Variants in SLC17A6 observed in about 807,000 individuals in gnomAD.
SLC17A6 encodes vesicular glutamate transporter 2.
SLC17A6 carries 35 observed loss-of-function variants against 67.1 expected under a neutral mutation model. That is an observed-to-expected ratio of 0.52 (90% CI 0.40 to 0.69). SLC17A6 has a LOEUF of 0.69. Ranked by LOEUF, SLC17A6 falls within the 30% of genes least tolerant of loss-of-function variation. The pLI, the probability that SLC17A6 is intolerant of heterozygous loss-of-function variation, is 0.00. For synonymous variants in SLC17A6, 285 were observed against 252.3 expected, an observed-to-expected ratio of 1.13 and a Z score of -1.23; for missense variants, 588 against 723.9, an observed-to-expected ratio of 0.81 and a Z score of 2.15.
rs914271488 is a variant in SLC17A6, at chr11:22,374,866, A to G, written c.1153A>G (p.Arg385Gly). The stretch of plus-strand genomic sequence containing the variant: ...GCAGATTCTTTCAACTACGACAGTG[A>G]GAAAGATCATGAATTGTGGTGGTAA... ...SKQILSTTTV[R>G]KIMNCGGFGM... The change falls in exon 9 of 12, where the codon AGA becomes GGA. Residue 385 changes from arginine to glycine, a missense_variant. Arg to Gly is a moderately radical substitution (Grantham distance 125). This residue lies in a region of SLC17A6 where 414 missense variants were observed against 563.4 expected (regional missense o/e 0.73). Transcript: ENST00000263160. 1.9e-6 allele frequency: 3 copies of G among 1,613,212 alleles called. No homozygotes were observed. Among genetic ancestry groups the G allele is most frequent in the Non-Finnish European group, 2.5e-6 (3 of 1,179,770 alleles).
In SLC17A6 at chr11:22,338,632, G is replaced by A. The variant is rs201676113; in HGVS notation, c.86+13G>A. The A allele has an allele frequency of 3.1e-6, 5 of 1,596,538 alleles. No individual in the cohort carries two copies. Among genetic ancestry groups the A allele is most frequent in the Non-Finnish European group, 4.3e-6 (5 of 1,165,428 alleles). On this transcript the variant is annotated intron_variant, in intron 1 of 11. Transcript: ENST00000263160. ...GCCAGATCTACAGGTAAGACAAAGCGAACACTTGCTTACCTGGGGCTCAGC... is the reference window on the plus strand; with the variant it reads ...GCCAGATCTACAGGTAAGACAAAGCAAACACTTGCTTACCTGGGGCTCAGC...
chr11:22,375,163 G>A (rs1251324261), intron 9 of SLC17A6, among the ~76,000 whole-genome samples: 1 of 151,940 alleles, frequency 6.6e-6, no homozygotes, highest in Non-Finnish European at 1.5e-5. Context: ...ACGAGGTCAG[G>A]AGTTCAAGAC....
chr11:22,367,356 A>G (rs1470145623), intron 7 of SLC17A6, among the ~76,000 whole-genome samples: 1 of 152,100 alleles, frequency 6.6e-6, no homozygotes, highest in Non-Finnish European at 1.5e-5. Flanking sequence ...ATCCCATATC[A>G]TATATAATTC....
intron 4 of SLC17A6, 78 bp downstream of exon 4, chr11:22,359,605 TA>T: frequency 2.6e-6 from 2 of 759,582 alleles, no homozygotes; most frequent in Non-Finnish European, 4.0e-6. Context: ...TCTTTATCTG[TA>T]AATAAATATA....
chr11:22,365,486 T>C (rs1328054330), intron 6 of SLC17A6, 61 bp from the exon 7 acceptor site: 1 of 1,567,742 alleles, frequency 6.4e-7, no homozygotes, highest in Non-Finnish European at 8.8e-7. Context: ...GATTGCAGTT[T>C]TATTGCAGCA....
At chr11:22,375,731 C>T (rs940186797) in intron 9 of SLC17A6, among the ~76,000 whole-genome samples, 39 of 152,212 alleles carry the variant, frequency 2.6e-4, no homozygotes, top group African/African-American at 9.1e-4. Flanking sequence ...CTGCCCGCCT[C>T]GGCCTCTCAA....
At position 22,370,020 on chromosome 11, in the gene SLC17A6, T is replaced by A; in HGVS notation, c.892-19T>A. 1 of 1,601,830 alleles carries A rather than the reference T, an allele frequency of 6.2e-7. No individual in the cohort carries two copies. The highest frequency in any genetic ancestry group is 8.5e-7 in the Non-Finnish European group (1 of 1,175,986). ...AAATATTTAAAATGGTCATAATGTC[T>A]CTCTTTTTGGAATTTCAGAAATTCA... On this transcript the variant is annotated intron_variant, in intron 7 of 11. Coordinates refer to ENST00000263160, the MANE Select transcript of SLC17A6 (RefSeq NM_020346.3).
chr11:22,355,225 G>T (rs979070419), intron 3 of SLC17A6, among the ~76,000 whole-genome samples: 2 of 152,132 alleles, frequency 1.3e-5, no homozygotes, highest in South Asian at 2.1e-4. Flanking sequence ...AGGCAGTCTG[G>T]CTCAGGAATC....
At chr11:22,362,683 A>G in intron 5 of SLC17A6, 56 bp from the exon 6 acceptor site, 4 of 1,384,990 alleles carry the variant, frequency 2.9e-6, no homozygotes, top group Non-Finnish European at 4.1e-6. Context: ...GTGAGATGAT[A>G]TCAATAATTT....
chr11:22,359,176 T>C (rs1856021651), intron 3 of SLC17A6, among the ~76,000 whole-genome samples: 1 of 152,212 alleles, frequency 6.6e-6, no homozygotes, highest in Non-Finnish European at 1.5e-5. Flanking sequence ...TATAACCAAA[T>C]GTATTGACTC....
At chr11:22,339,135 T>C (rs1855777881) in intron 1 of SLC17A6, among the ~76,000 whole-genome samples, 1 of 6,916 alleles carries the variant, frequency 1.4e-4, no homozygotes, top group Non-Finnish European at 2.4e-4. Context: ...ATATGTTATA[T>C]ATATATGTTA....
chr11:22,352,306 A>G (rs952583328), intron 3 of SLC17A6, among the ~76,000 whole-genome samples: 13 of 152,188 alleles, frequency 8.5e-5, no homozygotes, highest in African/African-American at 2.7e-4. Context: ...CTACAGGAGT[A>G]CTCTAAATTA....
chr11:22,341,268 G>A (rs1271976690), intron 1 of SLC17A6, among the ~76,000 whole-genome samples: 1 of 152,206 alleles, frequency 6.6e-6, no homozygotes, highest in African/African-American at 2.4e-5. Flanking sequence ...GGTGGATCCC[G>A]AGATGGGGAC....
At position 22,346,627 on chromosome 11, in the gene SLC17A6, A is replaced by G. The variant is rs562424153; in HGVS notation, c.458+3262A>G. On this transcript the variant is annotated intron_variant, in intron 3 of 11. Coordinates refer to ENST00000263160, the MANE Select transcript of SLC17A6 (RefSeq NM_020346.3). ...AAATCTTTAATGTTTTAAGATGAGA[A>G]CATATTAATATGGTAATAAAAAAAT... Among the ~76,000 whole-genome samples the G allele has an allele frequency of 3.3e-5, 5 of 150,468 alleles. No individual in the cohort carries two copies. The South Asian group carries it at 1.1e-3, about 32-fold the overall frequency.
chr11:22,358,471 G>A (rs1219274846), intron 3 of SLC17A6, among the ~76,000 whole-genome samples: 1 of 152,106 alleles, frequency 6.6e-6, no homozygotes, highest in African/African-American at 2.4e-5. Flanking sequence ...GGGATTACAG[G>A]CGCACACCAC....
At chr11:22,345,862 A>G (rs1855869998) in intron 3 of SLC17A6, among the ~76,000 whole-genome samples, 1 of 152,212 alleles carries the variant, frequency 6.6e-6, no homozygotes, top group Non-Finnish European at 1.5e-5. Context: ...AATCAGCCTG[A>G]TACCCCTATT....
chr11:22,377,883 A>C lies in SLC17A6; in HGVS notation c.*143A>C. 1 of 663,402 alleles carries C rather than the reference A, an allele frequency of 1.5e-6. No individual in the cohort carries two copies. The highest frequency in any genetic ancestry group is 2.5e-6 in the Non-Finnish European group (1 of 397,424). The allele number at this position is 663,402 out of a possible 1,614,324, so 41.1% of individuals were successfully genotyped here. A position where few individuals can be genotyped will look rare whatever the true frequency, so the allele number is the denominator to read the frequency against. On this transcript the variant is annotated 3_prime_UTR_variant, in exon 12 of 12. Coordinates refer to ENST00000263160, the MANE Select transcript of SLC17A6 (RefSeq NM_020346.3). ...GTAAAAATGAAAACAAAACAAACCCATGAGGTTACCATCAAGTGCAATCTG... is the reference window on the plus strand; with the variant it reads ...GTAAAAATGAAAACAAAACAAACCCCTGAGGTTACCATCAAGTGCAATCTG...
At chr11:22,346,297 A>T (rs1855875013) in intron 3 of SLC17A6, among the ~76,000 whole-genome samples, 1 of 152,192 alleles carries the variant, frequency 6.6e-6, no homozygotes, top group Admixed American at 6.5e-5. Flanking sequence ...CTCAATGAAA[A>T]ACAAAGAGCA....
chr11:22,344,488 G>A (rs1855853454), intron 3 of SLC17A6, among the ~76,000 whole-genome samples: 1 of 152,126 alleles, frequency 6.6e-6, no homozygotes, highest in African/African-American at 2.4e-5. Context: ...GGAATTCTTG[G>A]AAATTTATTT....
Sources: allele counts gnomAD v4.1 joint callset (sites outside exome capture counted in the v4.1 genomes callset), GRCh38; gene constraint gnomAD v4.1.1; regional missense constraint gnomAD v4.1.1; transcripts MANE v1.5; gene names NCBI Gene and HGNC (gene_info 2026-07-23, HGNC 2026-07-21).